The following PCLO variants were observed in gnomAD, a reference collection of about 807,000 sequenced individuals.
PCLO encodes the protein piccolo presynaptic cytomatrix protein.
A neutral mutation model predicts 427.5 loss-of-function variants in PCLO; 82 were observed. The ratio of observed to expected loss-of-function variants is 0.19; its 90% CI spans 0.16 to 0.23. The LOEUF (loss-of-function observed/expected upper bound fraction) is 0.23. Ranked by LOEUF, PCLO falls within the 10% of genes least tolerant of loss-of-function variation. The pLI, the probability that PCLO is intolerant of heterozygous loss-of-function variation, is 1.00. For missense variants in PCLO, 6,239 were observed against 6,115.9 expected, an observed-to-expected ratio of 1.02 and a Z score of -0.67; for synonymous variants, 2,357 against 2,155.4, an observed-to-expected ratio of 1.09 and a Z score of -2.59.
At chr7:82,862,554 A>G in intron 10 of PCLO, among the ~76,000 whole-genome samples, 1 of 145,150 alleles carries the variant, frequency 6.9e-6, no homozygotes, top group Admixed American at 7.0e-5. Context: ...CAACCAGAGC[A>G]AGACTCTGCC....
intron 3 of PCLO, among the ~76,000 whole-genome samples, chr7:83,079,175 G>T (rs1790032694): frequency 1.3e-5 from 2 of 152,094 alleles, no homozygotes; most frequent in South Asian, 4.1e-4. Flanking sequence ...ATTGATTTCT[G>T]TATTTCAATG....
In PCLO at chr7:82,953,781, C is replaced by G. The variant is rs749073112; in HGVS notation, c.7172G>C (p.Arg2391Pro). Residue 2391 changes from arginine (R) to proline (P), a missense_variant, in exon 5 of 25, where the codon CGC becomes CCC. Coordinates refer to ENST00000333891, the MANE Select transcript of PCLO (RefSeq NM_033026.6). The part of the protein sequence containing the change: ...PSVSSLPAKP[R>P]PFFRSSSLDI... ...CAAAGAAGAACTTCTAAAGAATGGG[C>G]GAGGTTTAGCTGGAAGAGAGGAAAC... The G allele has an allele frequency of 2.5e-6, 4 of 1,580,178 alleles. No homozygotes were observed. In the African/African-American group the frequency reaches 5.4e-5, roughly 21 times the overall value.
chr7:83,034,274 T>C (rs984570095), intron 3 of PCLO, among the ~76,000 whole-genome samples: 1 of 152,188 alleles, frequency 6.6e-6, no homozygotes, highest in Non-Finnish European at 1.5e-5. Context: ...CTGTAACCTC[T>C]GCCTCCCAGG....
Position 82,914,982 on chromosome 7 carries a change from G to T in PCLO, c.13004C>A (p.Ala4335Asp). The change falls in exon 7 of 25, where the codon GCC becomes GAC. Residue 4335 changes from alanine to aspartate, a missense_variant. Around this residue, in one of 5 missense-constraint regions of PCLO, gnomAD observed 680 missense variants for 677.3 expected, o/e 1.00. Coordinates refer to ENST00000333891, the MANE Select transcript of PCLO (RefSeq NM_033026.6). ...DVSFSHASSS[A>D]RTKPTSLPIS... ...TGGCAAACTGGTCGGCTTAGTTCTG[G>T]CAGAGGATGATGCATGACTAAAGGA... The T allele has an allele frequency of 6.2e-7, 1 of 1,613,660 alleles. No homozygotes were observed. The highest frequency in any genetic ancestry group is 8.5e-7 in the Non-Finnish European group (1 of 1,179,726).
intron 3 of PCLO, among the ~76,000 whole-genome samples, chr7:83,064,265 TATC>T (rs1387010638): frequency 6.6e-6 from 1 of 151,926 alleles, no homozygotes; most frequent in African/African-American, 2.4e-5. Flanking sequence ...TGATGTACAA[TATC>T]ATGGGAACAA....
rs35143407 is a variant in PCLO at position 83,120,402 on chromosome 7, G to GAAAAA, written c.3300+13843_3300+13847dup. On this transcript the variant is annotated intron_variant, in intron 3 of 24. Transcript: ENST00000333891. Reference sequence around the variant, plus strand: ...GGTGTTGGAGTGAGACTCTGCCTCAGAAAAAAAAAAAAAAAAAAAGTTTAT... The same window carrying GAAAAA: ...GGTGTTGGAGTGAGACTCTGCCTCAGAAAAAAAAAAAAAAAAAAAAAAAAGTTTAT... 3.1e-4 allele frequency among the ~76,000 whole-genome samples: 25 copies of GAAAAA among 80,760 alleles called. 1 individual carries two copies. The highest frequency in any genetic ancestry group is 1.4e-3 in the East Asian group (4 of 2,924). 53.0% of individuals were successfully genotyped at this position (80,760 alleles called of 152,430 possible). A position where few individuals can be genotyped will look rare whatever the true frequency, so the allele number is the denominator to read the frequency against.
chr7:82,935,048 A>C (rs1249240756), intron 6 of PCLO, among the ~76,000 whole-genome samples: 1 of 151,152 alleles, frequency 6.6e-6, no homozygotes, highest in African/African-American at 2.4e-5. Flanking sequence ...TTTTTCATAT[A>C]AGGGTTCAAA....
intron 7 of PCLO, among the ~76,000 whole-genome samples, chr7:82,911,468 C>T (rs766594626): frequency 8.6e-5 from 13 of 151,352 alleles, no homozygotes; most frequent in Non-Finnish European, 1.8e-4. Flanking sequence ...ACAATATTTT[C>T]TTGAATTCCT....
At chr7:83,026,599 G>A (rs1788505476) in intron 3 of PCLO, among the ~76,000 whole-genome samples, 1 of 151,120 alleles carries the variant, frequency 6.6e-6, no homozygotes, top group Non-Finnish European at 1.5e-5. Flanking sequence ...TCTGCACCAA[G>A]CAGACCTAAT....
At chr7:83,035,456 C>T (rs1788770431) in intron 3 of PCLO, among the ~76,000 whole-genome samples, 1 of 151,996 alleles carries the variant, frequency 6.6e-6, no homozygotes, top group Admixed American at 6.6e-5. Context: ...AAATAAATGT[C>T]CACAAGAAAT....
Position 82,951,288 on chromosome 7 carries a change from T to G in PCLO, c.9300A>C (p.Thr3100=), listed in dbSNP as rs772032947. 1 of 1,613,276 alleles carries G rather than the reference T, an allele frequency of 6.2e-7. No homozygotes were observed. The highest frequency in any genetic ancestry group is 1.1e-5 in the South Asian group (1 of 90,912). The change falls in exon 6 of 25, where the codon ACA becomes ACC. Residue 3100 remains threonine (T), a synonymous_variant. Coordinates refer to ENST00000333891, the MANE Select transcript of PCLO (RefSeq NM_033026.6). ...AGCCAGGTTGTGTGGTGATAGCAAA[T>G]GTAGAGGGTGTTGGAGTTGCTACTG... is the stretch of plus-strand genomic sequence containing the variant. ...YSSVATPTPS[T]FAITTQPGSI...
chr7:82,841,427 A>T (rs2115780393), intron 14 of PCLO, 32 bp downstream of exon 14: 1 of 1,419,148 alleles, frequency 7.0e-7, no homozygotes, highest in East Asian at 2.3e-5. Flanking sequence ...AAAAAAGGTT[A>T]TATAATGGCG....
intron 1 of PCLO, among the ~76,000 whole-genome samples, chr7:83,161,256 G>A (rs1440775518): frequency 6.8e-6 from 1 of 147,694 alleles, no homozygotes; most frequent in African/African-American, 2.5e-5. Context: ...TTTATAAAGT[G>A]GAGGATAAGG....
intron 22 of PCLO, among the ~76,000 whole-genome samples, chr7:82,765,966 G>A (rs968776250): frequency 3.5e-4 from 53 of 151,964 alleles, no homozygotes; most frequent in African/African-American, 1.3e-3. Flanking sequence ...TATAGTCTCC[G>A]GACAGAAAAC....
chr7:82,826,741 A>T, intron 17 of PCLO, 81 bp from the exon 18 acceptor site: 1 of 795,348 alleles, frequency 1.3e-6, no homozygotes, highest in Non-Finnish European at 1.9e-6. Context: ...AGACATATTT[A>T]TTTTTTTCCT....
chr7:82,831,253 CAGGATCCAAACAT>C (rs1271490365), intron 16 of PCLO, among the ~76,000 whole-genome samples: 1 of 151,974 alleles, frequency 6.6e-6, no homozygotes, highest in African/African-American at 2.4e-5. Flanking sequence ...TTAACTGGAC[CAGGATCCAAACAT>C]AGGTAATTTG....
intron 3 of PCLO, among the ~76,000 whole-genome samples, chr7:82,987,317 T>C (rs1796277874): frequency 1.3e-5 from 2 of 151,990 alleles, no homozygotes; most frequent in Admixed American, 6.6e-5. Flanking sequence ...AACAGACTTA[T>C]CACATGAGTT....
At chr7:82,810,884 T>C (rs1035315895) in intron 20 of PCLO, among the ~76,000 whole-genome samples, 1 of 151,720 alleles carries the variant, frequency 6.6e-6, no homozygotes, top group Non-Finnish European at 1.5e-5. Context: ...GATTAAATTG[T>C]AGACTTCACT....
Position 82,951,282 on chromosome 7 carries a change from A to G in PCLO, c.9306T>C (p.Ala3102=), listed in dbSNP as rs1795340661. The G allele has an allele frequency of 6.2e-7, 1 of 1,613,366 alleles. No individual in the cohort carries two copies. Among genetic ancestry groups the G allele is most frequent in the Admixed American group, 1.7e-5 (1 of 59,922 alleles). The change falls in exon 6 of 25, where the codon GCT becomes GCC. Residue 3102 remains alanine, a synonymous_variant. Transcript: ENST00000333891. Reference sequence around the variant, plus strand: ...AAATGGAGCCAGGTTGTGTGGTGATAGCAAATGTAGAGGGTGTTGGAGTTG... The same window carrying G: ...AAATGGAGCCAGGTTGTGTGGTGATGGCAAATGTAGAGGGTGTTGGAGTTG... ...SVATPTPSTF[A]ITTQPGSIFS...
Sources: allele counts gnomAD v4.1 joint callset (sites outside exome capture counted in the v4.1 genomes callset), GRCh38; gene constraint gnomAD v4.1.1; regional missense constraint gnomAD v4.1.1; transcripts MANE v1.5; gene names NCBI Gene and HGNC (gene_info 2026-07-23, HGNC 2026-07-21).